Variants in DKK2 observed in about 807,000 individuals in gnomAD.
DKK2 encodes dickkopf Wnt signaling pathway inhibitor 2.
A neutral mutation model predicts 28.1 loss-of-function variants in DKK2; 11 were observed. That is an observed-to-expected ratio of 0.39 (90% CI 0.25 to 0.65). The LOEUF (loss-of-function observed/expected upper bound fraction) is 0.65, where lower values mean the gene tolerates loss of function less well. DKK2 is among the 30% of genes least tolerant of loss of function. DKK2 has a pLI of 0.47. For synonymous variants in DKK2, 135 were observed against 126.5 expected, an observed-to-expected ratio of 1.07 and a Z score of -0.45; for missense variants, 326 against 335.5, an observed-to-expected ratio of 0.97 and a Z score of 0.22.
At chr4:106,997,653 A>G (rs1578372613) in intron 1 of DKK2, among the ~76,000 whole-genome samples, 1 of 152,220 alleles carries the variant, frequency 6.6e-6, no homozygotes, top group Admixed American at 6.5e-5. Flanking sequence ...TATTCATTCT[A>G]CAGACCAAAA....
rs1724415310 is a variant in DKK2, at chr4:106,925,751, T to A, written c.373+48A>T. ...TAGCCTGACTTGAGAGACAGGCTTATGATGATGAAAAGAAAGAGGCCCATT... is the reference window on the plus strand; with the variant it reads ...TAGCCTGACTTGAGAGACAGGCTTAAGATGATGAAAAGAAAGAGGCCCATT... On this transcript the variant is annotated intron_variant, in intron 2 of 3. Transcript: ENST00000285311. 2.6e-6 allele frequency: 4 copies of A among 1,565,712 alleles called. No homozygotes were observed. The African/African-American group carries it at 4.1e-5, about 16-fold the overall frequency.
chr4:106,981,044 G>C (rs531275538), intron 1 of DKK2, among the ~76,000 whole-genome samples: 6 of 152,110 alleles, frequency 3.9e-5, no homozygotes, highest in South Asian at 2.1e-4. Context: ...AAAAGTAACT[G>C]GAATTTGCTG....
At chr4:106,983,411 A>C (rs367557589) in intron 1 of DKK2, among the ~76,000 whole-genome samples, 37 of 151,998 alleles carry the variant, frequency 2.4e-4, no homozygotes, top group African/African-American at 8.2e-4. Context: ...ACTTCACCTA[A>C]GCCAAGCCTC....
intron 1 of DKK2, among the ~76,000 whole-genome samples, chr4:107,013,880 G>T (rs1411884655): frequency 6.6e-6 from 1 of 151,440 alleles, no homozygotes; most frequent in Non-Finnish European, 1.5e-5. Context: ...ATGGGCAAAA[G>T]ACTTTAATAG....
chr4:107,005,540 T>A (rs78515260), intron 1 of DKK2, among the ~76,000 whole-genome samples: 7,838 of 152,054 alleles, frequency 0.052, 323 homozygotes, highest in African/African-American at 0.12. Flanking sequence ...CAAATAAATG[T>A]GGATATTCTG....
In DKK2 at chr4:107,035,387, C is replaced by T; in HGVS notation, c.205G>A (p.Gly69Ser). The change falls in exon 1 of 4, where the codon GGC becomes AGC. Residue 69 changes from glycine to serine, a missense_variant. Gly to Ser is a moderately conservative substitution (Grantham distance 56). Transcript: ENST00000285311. ...QGLAFGGSKK[G>S]KNLGQAYPCS... ...TTTCCTACCTGCCCCAGGTTTTTGC[C>T]CTTCTTACTGCCGCCGAATGCCAGT... 1 of 1,614,180 alleles carries T rather than the reference C, an allele frequency of 6.2e-7. No individual in the cohort carries two copies. Among genetic ancestry groups the T allele is most frequent in the Non-Finnish European group, 8.5e-7 (1 of 1,180,024 alleles).
intron 1 of DKK2, among the ~76,000 whole-genome samples, chr4:106,948,297 A>T (rs1724807489): frequency 6.6e-6 from 1 of 152,150 alleles, no homozygotes; most frequent in South Asian, 2.1e-4. Flanking sequence ...AAAGCCTCTG[A>T]TTCAGTAGGT....
chr4:107,003,135 C>G (rs1030518278), intron 1 of DKK2, among the ~76,000 whole-genome samples: 1 of 152,154 alleles, frequency 6.6e-6, no homozygotes, highest in Non-Finnish European at 1.5e-5. Flanking sequence ...CCTTGCCTCT[C>G]TCTTAGTTTT....
chr4:106,982,081 A>G (rs956407042), intron 1 of DKK2, among the ~76,000 whole-genome samples: 1 of 152,218 alleles, frequency 6.6e-6, no homozygotes, highest in African/African-American at 2.4e-5. Flanking sequence ...CAGAACAAAT[A>G]TTTTAAGATT....
At position 107,013,326 on chromosome 4, in the gene DKK2, G is replaced by T. The variant is rs954415155; in HGVS notation, c.222+22044C>A. ...GTTATAGTAAACAAAATAGCATAGT[G>T]CTGGCATAAAAACAGACACATAAAC... On this transcript the variant is annotated intron_variant, in intron 1 of 3. Transcript: ENST00000285311. Among the ~76,000 whole-genome samples, 4 of 151,276 alleles carry T rather than the reference G, an allele frequency of 2.6e-5. No individual in the cohort carries two copies. The East Asian group carries it at 7.7e-4, about 29-fold the overall frequency.
chr4:106,951,617 TA>T (rs1479425813), intron 1 of DKK2, among the ~76,000 whole-genome samples: 9 of 152,120 alleles, frequency 5.9e-5, no homozygotes. Context: ...ACATGAGAGC[TA>T]AAAAAGTTGA....
intron 1 of DKK2, among the ~76,000 whole-genome samples, chr4:106,990,908 C>G (rs1332139742): frequency 6.6e-6 from 1 of 151,256 alleles, no homozygotes; most frequent in Non-Finnish European, 1.5e-5. Context: ...GACTTCTGTA[C>G]ATGTAGAAGA....
chr4:106,979,882 A>T (rs1723000572), intron 1 of DKK2, among the ~76,000 whole-genome samples: 1 of 152,218 alleles, frequency 6.6e-6, no homozygotes, highest in South Asian at 2.1e-4. Flanking sequence ...ACCACACAAG[A>T]CTTTTATAAG....
intron 1 of DKK2, among the ~76,000 whole-genome samples, chr4:106,928,640 C>G (rs999357161): frequency 1.3e-5 from 2 of 151,926 alleles, no homozygotes; most frequent in Admixed American, 6.6e-5. Context: ...CATGCCTTGC[C>G]CTCTGAAATC....
In DKK2 at chr4:106,976,043, T is replaced by C. The variant is rs956949345; in HGVS notation, c.223-50094A>G. Among the ~76,000 whole-genome samples, 4 of 152,238 alleles carry C rather than the reference T, an allele frequency of 2.6e-5. No homozygotes were observed. In the East Asian group the frequency reaches 5.8e-4, roughly 22 times the overall value. The stretch of plus-strand genomic sequence containing the variant: ...AGGTTGTTCAGTTTCCATGTAGTTG[T>C]GCGGTTTTGAGTGAGTTTCTTAATC... On this transcript the variant is annotated intron_variant, in intron 1 of 3. Transcript: ENST00000285311.
chr4:106,938,713 C>T (rs559499756), intron 1 of DKK2, among the ~76,000 whole-genome samples: 3,548 of 151,710 alleles, frequency 0.023, 56 homozygotes, highest in Non-Finnish European at 0.035. Context: ...AAATCCTCAA[C>T]AAAATACTGG....
chr4:106,943,400 T>C (rs981391288), intron 1 of DKK2, among the ~76,000 whole-genome samples: 1 of 152,080 alleles, frequency 6.6e-6, no homozygotes, highest in African/African-American at 2.4e-5. Context: ...GCAACAGTGG[T>C]TGGAAGTTTG....
intron 1 of DKK2, among the ~76,000 whole-genome samples, chr4:106,929,695 A>G (rs905675953): frequency 6.6e-6 from 1 of 152,240 alleles, no homozygotes; most frequent in Non-Finnish European, 1.5e-5. Flanking sequence ...AGAAAAACAC[A>G]TTGGACACAT....
chr4:106,995,046 T>A (rs759663046), intron 1 of DKK2, among the ~76,000 whole-genome samples: 1 of 152,202 alleles, frequency 6.6e-6, no homozygotes, highest in Non-Finnish European at 1.5e-5. Context: ...ATTAACCACA[T>A]ATAAAACTTG....
Sources: allele counts gnomAD v4.1 joint callset (sites outside exome capture counted in the v4.1 genomes callset), GRCh38; gene constraint gnomAD v4.1.1; transcripts MANE v1.5; gene names NCBI Gene and HGNC (gene_info 2026-07-23, HGNC 2026-07-21).